The following CFAP65 variants were observed in gnomAD, a reference collection of about 807,000 sequenced individuals.
The protein encoded by CFAP65 is cilia and flagella associated protein 65, also known as cilia- and flagella-associated protein 65.
CFAP65 carries 155 observed loss-of-function variants against 208.0 expected under a neutral mutation model. The ratio of observed to expected loss-of-function variants is 0.75; its 90% CI spans 0.65 to 0.85. The LOEUF (loss-of-function observed/expected upper bound fraction) is 0.85, where lower values mean the gene tolerates loss of function less well. CFAP65 is among the 40% of genes least tolerant of loss of function. The probability of loss-of-function intolerance (pLI) is 0.00; values close to 1 mark genes in which losing one functional copy is unlikely to be tolerated. For missense variants in CFAP65, 2,294 were observed against 2,451.3 expected (o/e 0.94, Z 1.36); for synonymous variants, 970 against 986.3 (o/e 0.98, Z 0.31).
chr2:219,022,431 T>C, intron 16 of CFAP65, 102 bp from the exon 17 acceptor site: 2 of 1,341,160 alleles, frequency 1.5e-6, no homozygotes, highest in South Asian at 1.3e-5. Context: ...ACGTTAGCCC[T>C]TTCTCAGAAT....
intron 4 of CFAP65, among the ~76,000 whole-genome samples, chr2:219,038,029 C>T (rs1948464252): frequency 6.6e-6 from 1 of 152,204 alleles, no homozygotes; most frequent in Non-Finnish European, 1.5e-5. Flanking sequence ...TGACTCGTTC[C>T]TCCCTGGCAC....
intron 1 of CFAP65, 125 bp downstream of exon 1, chr2:219,041,363 G>C (rs541962702): frequency 1.3e-5 from 12 of 923,588 alleles, no homozygotes; most frequent in Admixed American, 1.2e-4. Flanking sequence ...CTCTCTGAAG[G>C]GCATGGAGGG....
At chr2:219,010,751 T>G (rs929256351) in intron 25 of CFAP65, 47 bp from the exon 26 acceptor site, 24 of 1,586,196 alleles carry the variant, frequency 1.5e-5, no homozygotes, top group Non-Finnish European at 2.1e-5. Context: ...GAGGGAGGCC[T>G]GCTGAGGAAG....
chr2:219,027,152 G>A (rs1947685049), intron 13 of CFAP65: 6 of 1,158,402 alleles, frequency 5.2e-6, no homozygotes, highest in Non-Finnish European at 6.4e-6. Flanking sequence ...CACGCATCTG[G>A]GGCCAGAACA....
In CFAP65 at chr2:219,038,560, G is replaced by C. The variant is rs538013205; in HGVS notation, c.172C>G (p.Pro58Ala). The C allele has an allele frequency of 4.3e-6, 7 of 1,613,844 alleles. No homozygotes were observed. The Admixed American group carries it at 8.3e-5, about 19-fold the overall frequency. The change falls in exon 4 of 35, where the codon CCC (proline) becomes GCC (alanine). Residue 58 changes from proline to alanine, a missense_variant. This residue lies in a region of CFAP65 where 867 missense variants were observed against 1,012.6 expected (regional missense o/e 0.86). Transcript: ENST00000341552. ...SQIKLHTQSA[P>A]FGLCPKDMML... ...ATGTCCTTGGGACACAGTCCAAAGGGAGCACTCTGAGTATGGAGCTGGGAA... is the reference window on the plus strand; with the variant it reads ...ATGTCCTTGGGACACAGTCCAAAGGCAGCACTCTGAGTATGGAGCTGGGAA...
rs577567401 is a variant in CFAP65 at position 219,038,472 on chromosome 2, T to C, written c.260A>G (p.Asn87Ser). Residue 87 changes from asparagine (N) to serine (S), a missense_variant, in exon 4 of 35, where the codon AAC (asparagine) becomes AGC (serine). By Grantham distance (46) the Asn-to-Ser change is conservative. Around this residue, in one of 2 missense-constraint regions of CFAP65, gnomAD observed 867 missense variants for 1,012.6 expected, o/e 0.86. Coordinates refer to ENST00000341552, the MANE Select transcript of CFAP65 (RefSeq NM_194302.4). ...RSRNSRNHTVNSGGSCLSAST... is the reference protein window; with the variant it reads ...RSRNSRNHTVSSGGSCLSAST... ...GGCACTCAGGCAGGATCCACCAGAG[T>C]TCACGGTGTGGTTCCTGCTGTTCCT... 2.3e-5 allele frequency: 37 copies of C among 1,614,066 alleles called. No homozygotes were observed. The African/African-American group carries it at 4.5e-4, about 20-fold the overall frequency.
chr2:219,029,492 C>T lies in CFAP65; in HGVS notation c.1561G>A (p.Gly521Ser). 6.2e-7 allele frequency: 1 copy of T among 1,614,008 alleles called. No homozygotes were observed. Among genetic ancestry groups the T allele is most frequent in the South Asian group, 1.1e-5 (1 of 91,070 alleles). The change falls in exon 11 of 35, where the codon GGC becomes AGC. Residue 521 changes from glycine (G) to serine (S), a missense_variant. Physicochemically the swap from Gly to Ser is moderately conservative, Grantham distance 56. Transcript: ENST00000341552. ...CAGTGCAGGGTCATACGGGCCTTGC[C>T]CACCAGCGTCCCAAAGGCAGGCCTG... ...TIRPAFGTLV[G>S]KARMTLHCAF...
chr2:219,006,362 T>A (rs530323701), intron 30 of CFAP65, 103 bp downstream of exon 30: 2 of 1,521,234 alleles, frequency 1.3e-6, no homozygotes, highest in Admixed American at 3.4e-5. Flanking sequence ...CTTTCATCCC[T>A]CCTTTCTGGG....
At chr2:219,014,302 GCCAGGAGTCAAGGTGTTGCT>G in intron 21 of CFAP65, 1 of 337,106 alleles carries the variant, frequency 3.0e-6, no homozygotes. Flanking sequence ...CACTGTGGAT[GCCAGGAGTCAAGGTGTTGCT>G]TGAATATGGG....
At chr2:219,039,215 C>T (rs949226543) in intron 2 of CFAP65, 165 bp from the exon 3 acceptor site, 4 of 528,590 alleles carry the variant, frequency 7.6e-6, no homozygotes, top group East Asian at 3.4e-5. Context: ...GTCTGTTTTC[C>T]AGGAGGAATG....
chr2:219,029,408 G>A lies in CFAP65; in HGVS notation c.1645C>T (p.His549Tyr). Residue 549 changes from histidine (H) to tyrosine (Y), a missense_variant, in exon 11 of 35, where the codon CAC (histidine) becomes TAC (tyrosine). Physicochemically the swap from His to Tyr is moderately conservative, Grantham distance 83. Coordinates refer to ENST00000341552, the MANE Select transcript of CFAP65 (RefSeq NM_194302.4). ...CFRRVACLIH[H>Y]QDPLFLDLMG... is the part of the protein sequence containing the mutation. ...ATGCCCTCCCCACGACTCACCTGGT[G>A]GTGGATGAGACAGGCCACACGCCGA... 2 of 1,612,326 alleles carry A rather than the reference G, an allele frequency of 1.2e-6. No individual in the cohort carries two copies. The highest frequency in any genetic ancestry group is 1.7e-6 in the Non-Finnish European group (2 of 1,178,670).
Position 219,004,432 on chromosome 2 carries a change from A to G in CFAP65, c.5075T>C (p.Phe1692Ser), listed in dbSNP as rs748032938. Reference sequence around the variant, plus strand: ...CAGGCTTTGGTCCACAGCCTCATGGAAGTTCTTGTCTTCCAGCAGGCCCCT... The same window carrying G: ...CAGGCTTTGGTCCACAGCCTCATGGGAGTTCTTGTCTTCCAGCAGGCCCCT... ...IIRGLLEDKN[F>S]HEAVDQSLVE... Residue 1692 changes from phenylalanine (F) to serine (S), a missense_variant, in exon 33 of 35, where the codon TTC becomes TCC. Coordinates refer to ENST00000341552, the MANE Select transcript of CFAP65 (RefSeq NM_194302.4). The surrounding 1 kb of genome is among the most constrained non-coding windows in gnomAD (Gnocchi z 4.7). 6 of 1,611,548 alleles carry G rather than the reference A, an allele frequency of 3.7e-6. No individual in the cohort carries two copies. The highest frequency in any genetic ancestry group is 1.3e-5 in the African/African-American group (1 of 74,966).
Position 219,023,339 on chromosome 2 carries a change from G to A in CFAP65, c.2688C>T (p.Ser896=), listed in dbSNP as rs747451860. Reference sequence around the variant, plus strand: ...TGCGGAAGGTGAAGGGGCTGGTGGAGGAGCAGCCCACCCAGGTGGGCTTGA... The same window carrying A: ...TGCGGAAGGTGAAGGGGCTGGTGGAAGAGCAGCCCACCCAGGTGGGCTTGA... ...LYFKPTWVGC[S]STSPFTFRNP... is the part of the protein sequence containing the mutation. The change falls in exon 16 of 35, where the codon TCC becomes TCT. Residue 896 remains serine (S), a synonymous_variant. Coordinates refer to ENST00000341552, the MANE Select transcript of CFAP65 (RefSeq NM_194302.4). 2 of 1,611,356 alleles carry A rather than the reference G, an allele frequency of 1.2e-6. No individual in the cohort carries two copies. Among genetic ancestry groups the A allele is most frequent in the African/African-American group, 2.7e-5 (2 of 74,924 alleles).
chr2:219,011,505 C>G (rs1946483611), intron 24 of CFAP65, among the ~76,000 whole-genome samples: 1 of 152,022 alleles, frequency 6.6e-6, no homozygotes, highest in Admixed American at 6.6e-5. Context: ...TGGTCTTGAA[C>G]TCGTGGCCTC....
At chr2:219,024,486 CA>C (rs1318037149) in intron 14 of CFAP65, among the ~76,000 whole-genome samples, 26 of 8,296 alleles carry the variant, frequency 3.1e-3, no homozygotes, top group African/African-American at 0.025. Context: ...GGGGGGGGGG[CA>C]GGGGGGCGGG....
Position 219,039,057 on chromosome 2 carries a change from T to G in CFAP65, c.-2-7A>C. On this transcript the variant is annotated splice_polypyrimidine_tract_variant and splice_region_variant and intron_variant, in intron 2 of 34. Coordinates refer to ENST00000341552, the MANE Select transcript of CFAP65 (RefSeq NM_194302.4). ...CCGGTTAAGGTAAACATCACTGAAATAAATCAATCAAAGCATAAGTCAATC... is the reference window on the plus strand; with the variant it reads ...CCGGTTAAGGTAAACATCACTGAAAGAAATCAATCAAAGCATAAGTCAATC... 6.3e-7 allele frequency: 1 copy of G among 1,595,684 alleles called. No individual in the cohort carries two copies. The highest frequency in any genetic ancestry group is 8.5e-7 in the Non-Finnish European group (1 of 1,170,288).
At chr2:219,029,704 G>T (rs1038173158) in intron 10 of CFAP65, 36 bp from the exon 11 acceptor site, 6 of 1,598,502 alleles carry the variant, frequency 3.8e-6, no homozygotes, top group Non-Finnish European at 5.1e-6. Context: ...CTTCCCCAAG[G>T]ATATCTTAGA....
chr2:219,002,890 C>T lies in CFAP65; in HGVS notation c.*47G>A. 5 of 1,471,454 alleles carry T rather than the reference C, an allele frequency of 3.4e-6. No homozygotes were observed. Among genetic ancestry groups the T allele is most frequent in the Non-Finnish European group, 4.7e-6 (5 of 1,072,678 alleles). The allele number at this position is 1,471,454 out of a possible 1,614,324, so 91.1% of individuals were successfully genotyped here. A position where few individuals can be genotyped will look rare whatever the true frequency, so the allele number is the denominator to read the frequency against. On this transcript the variant is annotated 3_prime_UTR_variant, in exon 35 of 35. Coordinates refer to ENST00000341552, the MANE Select transcript of CFAP65 (RefSeq NM_194302.4). This position sits in a 1 kb window ranked among gnomAD's most constrained non-coding sequence, Gnocchi z 7.9. ...GCTTTTACTGGCGGTGGAGAGGGGG[C>T]CAGGCGTGACCCCTAGCGGCATGTC...
At position 219,003,050 on chromosome 2, in the gene CFAP65, T is replaced by TG; in HGVS notation, c.5694-30dup. 5 of 1,551,790 alleles carry TG rather than the reference T, an allele frequency of 3.2e-6. No individual in the cohort carries two copies. Among genetic ancestry groups the TG allele is most frequent in the South Asian group, 1.2e-5 (1 of 84,104 alleles). Reference sequence around the variant, plus strand: ...GAAGACAAAAAGTCCCAGGTAGGCGTGGGGGCGAGGCTTCGGGCAGAGCCT... The same window carrying TG: ...GAAGACAAAAAGTCCCAGGTAGGCGTGGGGGGCGAGGCTTCGGGCAGAGCCT... On this transcript the variant is annotated intron_variant, in intron 34 of 34. Coordinates refer to ENST00000341552, the MANE Select transcript of CFAP65 (RefSeq NM_194302.4). The surrounding 1 kb of genome is among the most constrained non-coding windows in gnomAD (Gnocchi z 4.4).
Sources: gnomAD v4.1 joint callset for allele counts (sites outside exome capture counted in the v4.1 genomes callset) on GRCh38, gnomAD v4.1.1 for gene constraint, gnomAD v4.1.1 regional missense constraint, Gnocchi (gnomAD v3.1) non-coding constraint, MANE v1.5 for transcripts, NCBI Gene and HGNC (gene_info 2026-07-23, HGNC 2026-07-21) for gene names.